MACROD2: variants seen among roughly 807,000 people sequenced by gnomAD.
The protein encoded by MACROD2 is ADP-ribose glycohydrolase MACROD2.
Under a neutral mutation model 70.4 loss-of-function variants are expected in MACROD2, and 36 were observed. That is an observed-to-expected ratio of 0.51 (90% CI 0.39 to 0.68). The LOEUF is 0.68. Ranked by LOEUF, MACROD2 falls within the 30% of genes least tolerant of loss-of-function variation. MACROD2 has a pLI of 0.00. For synonymous variants in MACROD2, 172 were observed against 178.8 expected (o/e 0.96, Z 0.30); for missense variants, 496 against 538.4 (o/e 0.92, Z 0.78).
At chr20:15,243,958 C>A (rs1411649790) in intron 6 of MACROD2, among the ~76,000 whole-genome samples, 2 of 151,762 alleles carry the variant, frequency 1.3e-5, no homozygotes, top group Non-Finnish European at 2.9e-5. Flanking sequence ...ATTTTGTGAG[C>A]TGATTATTAA....
At chr20:14,091,111 T>G (rs2148672609) in intron 3 of MACROD2, among the ~76,000 whole-genome samples, 1 of 152,332 alleles carries the variant, frequency 6.6e-6, no homozygotes, top group South Asian at 2.1e-4. Flanking sequence ...TTCTTGCTGT[T>G]GAGTTCTTTA....
chr20:15,461,006 A>ATATATATATATATATTTTTTTT lies in MACROD2; in HGVS notation c.571+29572_571+29573insATATATATATATATTTTTTTTT. On this transcript the variant is annotated intron_variant, in intron 7 of 17. Transcript: ENST00000684519. ...TATATATATATATATATATATATAT[A>ATATATATATATATATTTTTTTT]TTTTTTTTTAATAGATGGGGTCTTG... Among the ~76,000 whole-genome samples the ATATATATATATATATTTTTTTT allele has an allele frequency of 2.2e-3, 148 of 66,896 alleles. 1 individual carries two copies. Among genetic ancestry groups the ATATATATATATATATTTTTTTT allele is most frequent in the Middle Eastern group, 8.8e-3 (1 of 114 alleles). The allele number at this position is 66,896 out of a possible 152,430, so 43.9% of individuals were successfully genotyped here.
intron 5 of MACROD2, among the ~76,000 whole-genome samples, chr20:14,860,280 C>T (rs2073300175): frequency 6.6e-6 from 1 of 152,070 alleles, no homozygotes; most frequent in South Asian, 2.1e-4. Context: ...GTCATAAATG[C>T]TTTCAATATT....
chr20:14,364,727 T>C (rs779034267), intron 3 of MACROD2, among the ~76,000 whole-genome samples: 6 of 152,206 alleles, frequency 3.9e-5, no homozygotes, highest in Non-Finnish European at 7.4e-5. Flanking sequence ...TCTTGTATTT[T>C]GCTTTTTTTC....
At chr20:14,568,038 T>C (rs1979923295) in intron 4 of MACROD2, among the ~76,000 whole-genome samples, 1 of 152,012 alleles carries the variant, frequency 6.6e-6, no homozygotes, top group Admixed American at 6.6e-5. Context: ...AACACTGTCA[T>C]AAGGCATAAT....
chr20:14,413,435 G>T (rs1345274765), intron 3 of MACROD2, among the ~76,000 whole-genome samples: 3 of 152,040 alleles, frequency 2.0e-5, no homozygotes, highest in Non-Finnish European at 2.9e-5. Flanking sequence ...AAACCTGTTT[G>T]TCATTGTGCT....
chr20:14,276,128 T>C (rs1432391425), intron 3 of MACROD2, among the ~76,000 whole-genome samples: 1 of 152,098 alleles, frequency 6.6e-6, no homozygotes, highest in East Asian at 1.9e-4. Flanking sequence ...CATTACTGGG[T>C]GTATACCCAA....
intron 10 of MACROD2, among the ~76,000 whole-genome samples, chr20:15,890,493 G>A (rs1254235837): frequency 6.6e-6 from 1 of 152,124 alleles, no homozygotes; most frequent in Non-Finnish European, 1.5e-5. Flanking sequence ...TTTGCACTCG[G>A]TGAGCTGCTC....
chr20:15,172,023 G>T (rs1481535208), intron 5 of MACROD2, among the ~76,000 whole-genome samples: 1 of 152,134 alleles, frequency 6.6e-6, no homozygotes, highest in Non-Finnish European at 1.5e-5. Context: ...TTTCCAGAAG[G>T]GAAATATTAA....
chr20:14,886,326 A>G (rs1478563670), intron 5 of MACROD2, among the ~76,000 whole-genome samples: 1 of 152,140 alleles, frequency 6.6e-6, no homozygotes, highest in African/African-American at 2.4e-5. Context: ...GCTGGAGTGA[A>G]CTAAGAGGAA....
chr20:14,760,186 C>T (rs901251347), intron 5 of MACROD2, among the ~76,000 whole-genome samples: 2 of 152,038 alleles, frequency 1.3e-5, no homozygotes, highest in African/African-American at 4.8e-5. Flanking sequence ...TCACACAGGT[C>T]CCCACGTTTC....
intron 8 of MACROD2, among the ~76,000 whole-genome samples, chr20:15,719,034 T>C (rs924118774): frequency 6.6e-6 from 1 of 152,242 alleles, no homozygotes; most frequent in South Asian, 2.1e-4. Context: ...TGATTTTTTT[T>C]CAATGCAGTC....
chr20:15,966,479 C>A (rs1601233031), intron 12 of MACROD2, among the ~76,000 whole-genome samples: 1 of 152,206 alleles, frequency 6.6e-6, no homozygotes, highest in South Asian at 2.1e-4. Context: ...TGATGGCTCA[C>A]ACCTATAATC....
In MACROD2 at chr20:15,211,518, G is replaced by A. The variant is rs144206286; in HGVS notation, c.419-18422G>A. ...GATCCTTTATAAATGGCTTGGTGCC[G>A]TCCTCACAGTAATGAGTGAGTTATC... On this transcript the variant is annotated intron_variant, in intron 5 of 17. Transcript: ENST00000684519. 3.4e-3 allele frequency among the ~76,000 whole-genome samples: 514 copies of A among 152,184 alleles called. 5 individuals are homozygous for A. Among genetic ancestry groups the A allele is most frequent in the Non-Finnish European group, 4.8e-3 (327 of 68,010 alleles).
chr20:14,879,053 T>C (rs926201995), intron 5 of MACROD2, among the ~76,000 whole-genome samples: 1 of 152,156 alleles, frequency 6.6e-6, no homozygotes, highest in Non-Finnish European at 1.5e-5. Flanking sequence ...GCTTCTGTGG[T>C]TTTCACCTTA....
intron 4 of MACROD2, among the ~76,000 whole-genome samples, chr20:14,536,626 GGTGTGT>G (rs11471542): frequency 1.9e-4 from 27 of 139,162 alleles, no homozygotes; most frequent in South Asian, 4.7e-4. Flanking sequence ...AGGTAACATT[GGTGTGT>G]GTGTGTGTGT....
chr20:14,636,552 A>C (rs1338620815), intron 4 of MACROD2: 1 of 152,172 alleles, frequency 6.6e-6, no homozygotes, highest in Non-Finnish European at 1.5e-5. Flanking sequence ...TGGAAAGCCA[A>C]ATGGGTGCCT....
intron 12 of MACROD2, among the ~76,000 whole-genome samples, chr20:15,946,184 C>T (rs898058293): frequency 6.6e-6 from 1 of 152,204 alleles, no homozygotes; most frequent in Non-Finnish European, 1.5e-5. Flanking sequence ...TATAGCCCAA[C>T]TCAGTTATTT....
intron 5 of MACROD2, among the ~76,000 whole-genome samples, chr20:15,142,550 T>A (rs1217123346): frequency 6.6e-6 from 1 of 152,330 alleles, no homozygotes; most frequent in Non-Finnish European, 1.5e-5. Flanking sequence ...CTAGGGTACA[T>A]GTGCACAACG....
Sources: allele counts gnomAD v4.1 joint callset (sites outside exome capture counted in the v4.1 genomes callset), GRCh38; gene constraint gnomAD v4.1.1; transcripts MANE v1.5; gene names NCBI Gene and HGNC (gene_info 2026-07-23, HGNC 2026-07-21).